MYO16: variants seen among roughly 807,000 people sequenced by gnomAD.
MYO16 encodes the protein unconventional myosin-XVI.
In MYO16, 94 loss-of-function variants were observed where a neutral mutation model predicts 205.3. The ratio of observed to expected loss-of-function variants is 0.46; its 90% CI spans 0.39 to 0.54. The LOEUF is 0.54. MYO16 is among the 20% of genes least tolerant of loss of function. The probability of loss-of-function intolerance (pLI) is 0.00; values close to 1 mark genes in which losing one functional copy is unlikely to be tolerated. For synonymous variants in MYO16, 988 were observed against 954.0 expected (o/e 1.04, Z -0.66); for missense variants, 2,315 against 2,387.5 (o/e 0.97, Z 0.63).
chr13:109,080,579 C>CAA (rs5806782), intron 27 of MYO16, among the ~76,000 whole-genome samples: 35 of 145,786 alleles, frequency 2.4e-4, no homozygotes, highest in East Asian at 1.4e-3. Flanking sequence ...TGCCCCTCTT[C>CAA]AAAAAAAAAA....
chr13:108,722,508 C>A (rs548808999), intron 3 of MYO16, among the ~76,000 whole-genome samples: 34 of 152,270 alleles, frequency 2.2e-4, no homozygotes, highest in African/African-American at 7.9e-4. Context: ...GGGCTGATAT[C>A]ACTTTCAACA....
intron 27 of MYO16, among the ~76,000 whole-genome samples, chr13:109,068,765 A>G (rs1045637929): frequency 1.2e-4 from 18 of 152,038 alleles, no homozygotes; most frequent in Non-Finnish European, 2.1e-4. Flanking sequence ...CTAATTTTGT[A>G]TTTTTAGTAG....
chr13:109,091,275 A>G (rs1888614713), intron 27 of MYO16, among the ~76,000 whole-genome samples: 2 of 152,216 alleles, frequency 1.3e-5, no homozygotes, highest in Admixed American at 1.3e-4. Context: ...TAAAATTGCT[A>G]AATAAGATGA....
intron 5 of MYO16, 31 bp from the exon 6 acceptor site, chr13:108,793,485 A>G: frequency 5.0e-6 from 8 of 1,609,066 alleles, no homozygotes; most frequent in South Asian, 1.1e-5. Flanking sequence ...GTATCTCTCC[A>G]TTCTGGTTGA....
At position 109,156,510 on chromosome 13, in the gene MYO16, C is replaced by T. The variant is rs186471905; in HGVS notation, c.5165-8391C>T. ...CACTCTCAGTATTAAGTCAGCCAAA[C>T]AGCTATAGTTTGTTTTTCTCCTGCG... On this transcript the variant is annotated intron_variant, in intron 32 of 34. Coordinates refer to ENST00000457511, the MANE Select transcript of MYO16 (RefSeq NM_001198950.3). Among the ~76,000 whole-genome samples the T allele has an allele frequency of 1.8e-3, 268 of 152,304 alleles. 2 individuals are homozygous for T. The highest frequency in any genetic ancestry group is 1.9e-4 in the Non-Finnish European group (13 of 68,028).
chr13:108,782,771 T>C (rs117377862), intron 4 of MYO16, among the ~76,000 whole-genome samples: 24,076 of 152,044 alleles, frequency 0.16, 2,018 homozygotes, highest in Middle Eastern at 0.24. Flanking sequence ...ATGGGGCCAA[T>C]GTAGAGCTTG....
chr13:108,817,476 T>C (rs1044509762), intron 7 of MYO16, among the ~76,000 whole-genome samples: 1 of 152,100 alleles, frequency 6.6e-6, no homozygotes, highest in Non-Finnish European at 1.5e-5. Flanking sequence ...TGGGGTGCTA[T>C]AAATCACACT....
intron 6 of MYO16, among the ~76,000 whole-genome samples, chr13:108,801,844 C>T (rs533944150): frequency 1.2e-4 from 18 of 152,336 alleles, no homozygotes; most frequent in Non-Finnish European, 2.2e-4. Context: ...ACACAGTGAG[C>T]TCTCGATCAA....
intron 16 of MYO16, among the ~76,000 whole-genome samples, chr13:108,929,113 AT>A (rs1175738726): frequency 6.6e-6 from 1 of 152,248 alleles, no homozygotes; most frequent in East Asian, 1.9e-4. Flanking sequence ...TGTAAATGAA[AT>A]TTTTAAAAAA....
intron 27 of MYO16, among the ~76,000 whole-genome samples, chr13:109,093,367 G>T (rs1033962688): frequency 2.0e-5 from 3 of 152,088 alleles, no homozygotes; most frequent in Admixed American, 6.6e-5. Context: ...GCTCAGTACT[G>T]CCCTGTCCAG....
intron 4 of MYO16, among the ~76,000 whole-genome samples, chr13:108,763,787 T>TTG (rs56115831): frequency 0.26 from 37,467 of 142,418 alleles, 4,850 homozygotes; most frequent in East Asian, 0.41. Flanking sequence ...AGAAAAGGAG[T>TTG]TGTGTGTGTG....
At chr13:108,709,139 T>C (rs2139540096) in intron 2 of MYO16, among the ~76,000 whole-genome samples, 1 of 152,314 alleles carries the variant, frequency 6.6e-6, no homozygotes, top group South Asian at 2.1e-4. Flanking sequence ...GGTCCCCAGA[T>C]GGCTGTTTTC....
At chr13:108,763,951 G>T (rs755488946) in intron 4 of MYO16, among the ~76,000 whole-genome samples, 9 of 151,966 alleles carry the variant, frequency 5.9e-5, no homozygotes, top group Non-Finnish European at 1.2e-4. Flanking sequence ...TCGAGAAAAA[G>T]GCTACAAAAA....
chr13:109,163,554 T>G (rs1197522361), intron 32 of MYO16, among the ~76,000 whole-genome samples: 1 of 149,486 alleles, frequency 6.7e-6, no homozygotes, highest in Admixed American at 6.7e-5. Flanking sequence ...TTTCCTTTTT[T>G]GCTTTCTTTC....
chr13:109,055,862 A>T lies in MYO16; in HGVS notation c.3335+267A>T. 1 of 308,834 alleles carries T rather than the reference A, an allele frequency of 3.2e-6. No homozygotes were observed. The highest frequency in any genetic ancestry group is 6.0e-6 in the Non-Finnish European group (1 of 166,946). 19.1% of individuals were successfully genotyped at this position (308,834 alleles called of 1,614,324 possible). A position where few individuals can be genotyped will look rare whatever the true frequency, so the allele number is the denominator to read the frequency against. On this transcript the variant is annotated intron_variant, in intron 27 of 34. Transcript: ENST00000457511. The surrounding 1 kb of genome is among the most constrained non-coding windows in gnomAD (Gnocchi z 5.0). Reference sequence around the variant, plus strand: ...TTCAAAGTGTGGCTTTCCTTGGATTAAAGTTTTGTAAAATGATTGCATGTG... The same window carrying T: ...TTCAAAGTGTGGCTTTCCTTGGATTTAAGTTTTGTAAAATGATTGCATGTG...
the MYO16 span, among the ~76,000 whole-genome samples, chr13:108,507,315 T>C: frequency 2.0e-5 from 3 of 152,182 alleles, no homozygotes; most frequent in Admixed American, 2.0e-4. Flanking sequence ...GGTCTGGTGG[T>C]GATGAACTCC....
At chr13:109,039,363 A>C (rs990573603) in intron 23 of MYO16, among the ~76,000 whole-genome samples, 1 of 152,236 alleles carries the variant, frequency 6.6e-6, no homozygotes, top group African/African-American at 2.4e-5. Context: ...GTCAATATTT[A>C]TAAACACATC....
intron 34 of MYO16, among the ~76,000 whole-genome samples, chr13:109,199,205 T>C: frequency 2.6e-5 from 1 of 38,734 alleles, no homozygotes; most frequent in Middle Eastern, 0.011. Context: ...TATATATATA[T>C]ATATATATAT....
At chr13:108,629,006 A>C (rs923990351), upstream of MYO16, among the ~76,000 whole-genome samples, 1 of 152,214 alleles carries the variant, frequency 6.6e-6, no homozygotes, top group African/African-American at 2.4e-5. Flanking sequence ...AAACCCTAGC[A>C]GACCATATAT....
Sources: allele counts gnomAD v4.1 joint callset (sites outside exome capture counted in the v4.1 genomes callset), GRCh38; gene constraint gnomAD v4.1.1; non-coding constraint Gnocchi (gnomAD v3.1); transcripts MANE v1.5; gene names NCBI Gene and HGNC (gene_info 2026-07-23, HGNC 2026-07-21).